The following MORC1 variants were observed in gnomAD, a reference collection of about 807,000 sequenced individuals.
MORC1 encodes MORC family CW-type zinc finger protein 1.
Under a neutral mutation model 134.9 loss-of-function variants are expected in MORC1, and 59 were observed. The observed-to-expected ratio is 0.44, with a 90% CI of 0.35 to 0.54. The LOEUF (loss-of-function observed/expected upper bound fraction) is 0.54. MORC1 is among the 20% of genes least tolerant of loss of function. The pLI is 0.00. For missense variants in MORC1, 947 were observed against 1,134.5 expected (o/e 0.83, Z 2.37); for synonymous variants, 395 against 391.7 (o/e 1.01, Z -0.10).
At chr3:109,040,641 T>C (rs148581705) in intron 14 of MORC1, among the ~76,000 whole-genome samples, 3,708 of 151,008 alleles carry the variant, frequency 0.025, 67 homozygotes, top group Non-Finnish European at 0.039. Context: ...ATCAGCCTGA[T>C]CAACATGGTG....
chr3:109,041,695 A>T (rs1949556507), intron 14 of MORC1, among the ~76,000 whole-genome samples: 1 of 152,036 alleles, frequency 6.6e-6, no homozygotes, highest in East Asian at 1.9e-4. Flanking sequence ...AAAAATACAA[A>T]AGTTAGCTGG....
intron 20 of MORC1, among the ~76,000 whole-genome samples, 198 bp from the exon 21 acceptor site, chr3:109,000,856 T>C (rs1948385754): frequency 6.6e-6 from 1 of 152,230 alleles, no homozygotes; most frequent in Non-Finnish European, 1.5e-5. Context: ...AATGCCATGC[T>C]GCTTAGGTTA....
intron 17 of MORC1, among the ~76,000 whole-genome samples, chr3:109,018,480 C>A (rs574889632): frequency 1.3e-4 from 20 of 151,962 alleles, no homozygotes; most frequent in Middle Eastern, 6.8e-3. Context: ...TTCCCCTACC[C>A]CCAGAGATCT....
intron 11 of MORC1, among the ~76,000 whole-genome samples, chr3:109,061,560 T>C (rs1308579328): frequency 6.6e-6 from 1 of 152,168 alleles, no homozygotes; most frequent in East Asian, 1.9e-4. Context: ...GGATTGCTTG[T>C]TAGACCTTTC....
At chr3:108,992,300 C>T (rs1576605943) in intron 21 of MORC1, among the ~76,000 whole-genome samples, 1 of 152,266 alleles carries the variant, frequency 6.6e-6, no homozygotes, top group East Asian at 1.9e-4. Context: ...GGAATGGCTT[C>T]TCTCTTCTCT....
At chr3:109,005,595 C>T (rs1264803311) in intron 18 of MORC1, among the ~76,000 whole-genome samples, 16 of 152,110 alleles carry the variant, frequency 1.1e-4, no homozygotes, top group Admixed American at 1.0e-3. Context: ...TGACTTTCCC[C>T]CAATAGAGGT....
At position 108,977,947 on chromosome 3, in the gene MORC1, A is replaced by G. The variant is rs941956934; in HGVS notation, c.2477+1568T>C. ...GGCTGGAGTGCAGTGGCGCGATCTC[A>G]GCTCACTGCAAGCTCCGCCTCCCGG... On this transcript the variant is annotated intron_variant, in intron 24 of 27. Transcript: ENST00000232603. 3.3e-5 allele frequency among the ~76,000 whole-genome samples: 5 copies of G among 152,018 alleles called. No individual in the cohort carries two copies. In the South Asian group the frequency reaches 1.0e-3, roughly 32 times the overall value.
intron 16 of MORC1, among the ~76,000 whole-genome samples, chr3:109,028,594 C>T (rs562315672): frequency 6.6e-6 from 1 of 152,254 alleles, no homozygotes; most frequent in South Asian, 2.1e-4. Context: ...TGGATGAGCA[C>T]ATTCCTTGTT....
chr3:109,028,479 A>C (rs998807921), intron 16 of MORC1, among the ~76,000 whole-genome samples: 1 of 152,156 alleles, frequency 6.6e-6, no homozygotes, highest in Non-Finnish European at 1.5e-5. Flanking sequence ...TGCTGTCGTA[A>C]GAGTATCTGC....
At chr3:109,012,503 G>A (rs13083610) in intron 17 of MORC1, among the ~76,000 whole-genome samples, 6,032 of 152,150 alleles carry the variant, frequency 0.04, 255 homozygotes, top group Middle Eastern at 0.11. Flanking sequence ...GATGCCAACT[G>A]GGGAGAATAG....
intron 17 of MORC1, among the ~76,000 whole-genome samples, chr3:109,025,254 G>A (rs998739081): frequency 6.6e-6 from 1 of 151,448 alleles, no homozygotes; most frequent in Non-Finnish European, 1.5e-5. Context: ...AGCTCCAAGT[G>A]TTCCTTTAGG....
intron 9 of MORC1, 88 bp downstream of exon 9, chr3:109,069,544 G>T: frequency 7.8e-7 from 1 of 1,287,642 alleles, no homozygotes; most frequent in South Asian, 1.9e-5. Flanking sequence ...TACTATCAAA[G>T]TCAATGTCCT....
intron 13 of MORC1, among the ~76,000 whole-genome samples, chr3:109,055,905 A>G (rs1949949107): frequency 6.6e-6 from 1 of 152,236 alleles, no homozygotes; most frequent in Non-Finnish European, 1.5e-5. Context: ...GGGGAAGGAA[A>G]TGGACCAGTT....
intron 17 of MORC1, among the ~76,000 whole-genome samples, chr3:109,017,548 T>C (rs145862766): frequency 1.7e-3 from 261 of 152,344 alleles, no homozygotes; most frequent in African/African-American, 5.6e-3. Context: ...TTTCAACTAA[T>C]AGATGAAGAT....
At chr3:109,069,905 C>G in intron 8 of MORC1, 148 bp from the exon 9 acceptor site, 1 of 775,260 alleles carries the variant, frequency 1.3e-6, no homozygotes, top group Admixed American at 3.3e-5. Flanking sequence ...ACCACAAACA[C>G]CAGCAAATAT....
intron 2 of MORC1, among the ~76,000 whole-genome samples, chr3:109,112,520 G>A (rs371044431): frequency 2.0e-5 from 3 of 152,270 alleles, no homozygotes; most frequent in African/African-American, 7.2e-5. Flanking sequence ...AAACTCAAAC[G>A]TCCATGAAGA....
Position 109,047,686 on chromosome 3 carries a change from A to G in MORC1, c.1330+7042T>C, listed in dbSNP as rs142181280. On this transcript the variant is annotated intron_variant, in intron 14 of 27. Transcript: ENST00000232603. ...CAATTAGGCAAAATGTCTATATCAT[A>G]TTTTAATCTTTTAATTGTCTCTTAC... Among the ~76,000 whole-genome samples, 270 of 152,258 alleles carry G rather than the reference A, an allele frequency of 1.8e-3. 6 individuals are homozygous for G. The highest frequency in any genetic ancestry group is 6.2e-3 in the African/African-American group (259 of 41,566).
At chr3:109,040,536 A>G (rs1274985546) in intron 14 of MORC1, among the ~76,000 whole-genome samples, 1 of 151,984 alleles carries the variant, frequency 6.6e-6, no homozygotes, top group African/African-American at 2.4e-5. Context: ...GAAATAAAGA[A>G]AGAAAAAAGA....
chr3:108,971,342 T>C lies in MORC1; in HGVS notation c.2538A>G (p.Ala846=), dbSNP rs1412794250. ...HQLPSELEEP[A]LSCELEQCPE... is the part of the protein sequence containing the mutation. ...AAAACCAGCTTACCTCACAACTTAA[T>C]GCAGGTTCTTCCAATTCTGATGGTA... Residue 846 remains alanine, a synonymous_variant, in exon 25 of 28, where the codon GCA becomes GCG. Coordinates refer to ENST00000232603, the MANE Select transcript of MORC1 (RefSeq NM_014429.4). 2 of 1,613,512 alleles carry C rather than the reference T, an allele frequency of 1.2e-6. No individual in the cohort carries two copies. The highest frequency in any genetic ancestry group is 1.7e-6 in the Non-Finnish European group (2 of 1,179,612).
Sources: gnomAD v4.1 joint callset for allele counts (sites outside exome capture counted in the v4.1 genomes callset) on GRCh38, gnomAD v4.1.1 for gene constraint, MANE v1.5 for transcripts, NCBI Gene and HGNC (gene_info 2026-07-23, HGNC 2026-07-21) for gene names.